COL5A1: variants seen among roughly 807,000 people sequenced by gnomAD.
COL5A1 encodes collagen alpha-1(V) chain.
A neutral mutation model predicts 263.7 loss-of-function variants in COL5A1; 16 were observed. The ratio of observed to expected loss-of-function variants is 0.06; its 90% confidence interval spans 0.04 to 0.09. The LOEUF is 0.09. COL5A1 is among the 10% of genes least tolerant of loss of function. The pLI is 1.00. For missense variants in COL5A1, 2,036 were observed against 2,540.5 expected, an observed-to-expected ratio of 0.80 and a Z score of 4.27; for synonymous variants, 1,012 against 1,004.5, an observed-to-expected ratio of 1.01 and a Z score of -0.14.
chr9:134,704,931 A>C (rs1241396057), intron 4 of COL5A1, among the ~76,000 whole-genome samples: 2 of 152,064 alleles, frequency 1.3e-5, no homozygotes, highest in African/African-American at 4.8e-5. Context: ...TCTGCTTTCC[A>C]GCGGGCTCTG....
chr9:134,813,186 A>G (rs992799043), intron 48 of COL5A1, among the ~76,000 whole-genome samples: 3 of 150,108 alleles, frequency 2.0e-5, no homozygotes, highest in African/African-American at 7.4e-5. Flanking sequence ...AGCGTCATGG[A>G]CCCAGTCGTG....
In COL5A1 at chr9:134,842,037, G is replaced by T; in HGVS notation, c.5371-120G>T. The T allele has an allele frequency of 8.7e-7, 1 of 1,155,878 alleles. No individual in the cohort carries two copies. The highest frequency in any genetic ancestry group is 2.5e-5 in the East Asian group (1 of 40,432). The allele number at this position is 1,155,878 out of a possible 1,614,324, so 71.6% of individuals were successfully genotyped here. The stretch of plus-strand genomic sequence containing the variant: ...CACTTGCCCGGGCAAGCGCAGCCCT[G>T]GGTAGGAGACAGGACACCAGCCTGG... On this transcript the variant is annotated intron_variant, in intron 65 of 65. Transcript: ENST00000371817. This position sits in a 1 kb window ranked among gnomAD's most constrained non-coding sequence, Gnocchi z 5.8.
At chr9:134,767,175 A>G in intron 23 of COL5A1, 122 bp downstream of exon 23, 1 of 1,411,178 alleles carries the variant, frequency 7.1e-7, no homozygotes, top group South Asian at 1.2e-5. Context: ...CCCTCCCCTT[A>G]TCTGGAGGGA....
At chr9:134,688,960 C>T (rs1177739286) in intron 1 of COL5A1, among the ~76,000 whole-genome samples, 1 of 151,588 alleles carries the variant, frequency 6.6e-6, no homozygotes, top group African/African-American at 2.4e-5. Flanking sequence ...GTCTTCCCTG[C>T]ACTGTCAGCT....
chr9:134,730,408 A>G lies in COL5A1; in HGVS notation c.1097A>G (p.Gln366Arg), dbSNP rs761227399. The change falls in exon 7 of 66, where the codon CAG becomes CGG. Residue 366 changes from glutamine (Q) to arginine (R), a missense_variant. This residue lies in a region of COL5A1 where 600 missense variants were observed against 634.5 expected (regional missense o/e 0.95). Transcript: ENST00000371817. The stretch of plus-strand genomic sequence containing the variant: ...GGCGAGGGGGAGGAGAACCCCGACC[A>G]GCCCACAGACCCAGGCGCTGGGGCC... ...TYGEGEENPDQPTDPGAGAEI... is the reference protein window; with the variant it reads ...TYGEGEENPDRPTDPGAGAEI... The G allele has an allele frequency of 6.2e-7, 1 of 1,614,086 alleles. No homozygotes were observed. Among genetic ancestry groups the G allele is most frequent in the African/African-American group, 1.3e-5 (1 of 74,950 alleles).
At position 134,701,303 on chromosome 9, in the gene COL5A1, C is replaced by T; in HGVS notation, c.624C>T (p.Gly208=). The change falls in exon 4 of 66, where the codon GGC becomes GGT. Residue 208 remains glycine (G), a synonymous_variant. Coordinates refer to ENST00000371817, the MANE Select transcript of COL5A1 (RefSeq NM_000093.5). The part of the protein sequence containing the change: ...MIDINGIIVF[G]TRILDEEVFE... The stretch of plus-strand genomic sequence containing the variant: ...ACATCAATGGCATCATCGTGTTTGG[C>T]ACCCGGATCCTGGATGAGGAGGTGT... 1.2e-6 allele frequency: 2 copies of T among 1,613,954 alleles called. No individual in the cohort carries two copies. Among genetic ancestry groups the T allele is most frequent in the South Asian group, 1.1e-5 (1 of 91,064 alleles).
At chr9:134,769,135 C>T (rs935387993) in intron 25 of COL5A1, among the ~76,000 whole-genome samples, 3 of 152,194 alleles carry the variant, frequency 2.0e-5, no homozygotes, top group Non-Finnish European at 2.9e-5. Flanking sequence ...GTTTCACAAA[C>T]GAGATTAGCA....
At chr9:134,833,166 C>T (rs1411123542) in intron 64 of COL5A1, among the ~76,000 whole-genome samples, 1 of 152,220 alleles carries the variant, frequency 6.6e-6, no homozygotes, top group African/African-American at 2.4e-5. Context: ...CCTTCAAGGT[C>T]CTGCCTAGGC....
intron 65 of COL5A1, among the ~76,000 whole-genome samples, chr9:134,836,513 C>T (rs1302420132): frequency 6.6e-6 from 1 of 152,202 alleles, no homozygotes; most frequent in African/African-American, 2.4e-5. Context: ...CTGAGGGGAA[C>T]GGGGCCGGCG....
intron 16 of COL5A1, among the ~76,000 whole-genome samples, chr9:134,756,524 G>C (rs1407120283): frequency 1.3e-5 from 2 of 152,192 alleles, no homozygotes. Context: ...TGACAGTCTG[G>C]GATGACGTGG....
chr9:134,799,573 G>A (rs1838035202), intron 37 of COL5A1, among the ~76,000 whole-genome samples: 1 of 152,206 alleles, frequency 6.6e-6, no homozygotes, highest in South Asian at 2.1e-4. Flanking sequence ...CCCAGCAAAA[G>A]CAGGTCCCCT....
chr9:134,693,633 C>T (rs1368928385), intron 2 of COL5A1, among the ~76,000 whole-genome samples: 1 of 152,112 alleles, frequency 6.6e-6, no homozygotes, highest in African/African-American at 2.4e-5. Context: ...CTGTTGGAGA[C>T]CAGTGTCATA....
At chr9:134,654,406 T>TGTGTGTAGGGCTGGAG (rs768170984) in intron 1 of COL5A1, among the ~76,000 whole-genome samples, 1 of 40,026 alleles carries the variant, frequency 2.5e-5, no homozygotes, top group Admixed American at 3.4e-4. Flanking sequence ...GTAGGGCTGG[T>TGTGTGTAGGGCTGGAG]GTGTGTAGGG....
intron 1 of COL5A1, among the ~76,000 whole-genome samples, chr9:134,673,990 A>G (rs1021087550): frequency 3.9e-4 from 59 of 152,180 alleles, no homozygotes; most frequent in Non-Finnish European, 6.8e-4. Context: ...TCATTGGAGA[A>G]ATACAACTTA....
Position 134,699,972 on chromosome 9 carries a change from C to G in COL5A1, c.341C>G (p.Ala114Gly), listed in dbSNP as rs147589613. The change falls in exon 3 of 66, where the codon GCC becomes GGC. Residue 114 changes from alanine to glycine, a missense_variant. Around this residue, in one of 3 missense-constraint regions of COL5A1, gnomAD observed 600 missense variants for 634.5 expected, o/e 0.95. Transcript: ENST00000371817. ...GTGAAAGCCAAGAAAGGCAGCCAGGCCTTCCTGGTCTCCATCTACAACGAG... is the reference window on the plus strand; with the variant it reads ...GTGAAAGCCAAGAAAGGCAGCCAGGGCTTCCTGGTCTCCATCTACAACGAG... ...TTVKAKKGSQAFLVSIYNEQG... is the reference protein window; with the variant it reads ...TTVKAKKGSQGFLVSIYNEQG... The G allele has an allele frequency of 3.1e-6, 5 of 1,613,828 alleles. No individual in the cohort carries two copies. The African/African-American group carries it at 5.3e-5, about 17-fold the overall frequency.
rs538111115 is a variant in COL5A1 at position 134,782,468 on chromosome 9, A to G, written c.2431-199A>G. 3.6e-5 allele frequency: 24 copies of G among 674,682 alleles called. No individual in the cohort carries two copies. The African/African-American group carries it at 3.7e-4, about 11-fold the overall frequency. 41.8% of individuals were successfully genotyped at this position (674,682 alleles called of 1,614,324 possible). Reference sequence around the variant, plus strand: ...GGACGCAGCTCTCTCCAGCTTCAGAACGTTACAGCTGGGAACGCAGAGCTC... The same window carrying G: ...GGACGCAGCTCTCTCCAGCTTCAGAGCGTTACAGCTGGGAACGCAGAGCTC... On this transcript the variant is annotated intron_variant, in intron 28 of 65. Transcript: ENST00000371817.
chr9:134,708,432 C>G (rs1358632976), intron 4 of COL5A1: 2 of 405,212 alleles, frequency 4.9e-6, no homozygotes, highest in Non-Finnish European at 9.7e-6. Flanking sequence ...GGTGGGGGCT[C>G]TGGTGCACCT....
intron 25 of COL5A1, among the ~76,000 whole-genome samples, chr9:134,772,266 G>A (rs1002741366): frequency 5.3e-5 from 8 of 152,232 alleles, no homozygotes; most frequent in Admixed American, 2.6e-4. Flanking sequence ...CCAACAATCA[G>A]AGATTCCAAG....
chr9:134,693,132 C>T (rs1453233907), intron 2 of COL5A1, among the ~76,000 whole-genome samples: 2 of 152,056 alleles, frequency 1.3e-5, no homozygotes, highest in African/African-American at 4.8e-5. Context: ...GCATAGCAGG[C>T]TCTCTGTGCC....
Sources: gnomAD v4.1 joint callset for allele counts (sites outside exome capture counted in the v4.1 genomes callset) on GRCh38, gnomAD v4.1.1 for gene constraint, gnomAD v4.1.1 regional missense constraint, Gnocchi (gnomAD v3.1) non-coding constraint, MANE v1.5 for transcripts, NCBI Gene and HGNC (gene_info 2026-07-23, HGNC 2026-07-21) for gene names.